The following AGBL4 variants were observed in gnomAD, a reference collection of about 807,000 sequenced individuals.
AGBL4 encodes the protein AGBL carboxypeptidase 4, also known as cytosolic carboxypeptidase 6.
Under a neutral mutation model 66.4 loss-of-function variants are expected in AGBL4, and 58 were observed. That is an observed-to-expected ratio of 0.87 (90% CI 0.71 to 1.09). AGBL4 has a LOEUF of 1.09. Ranked by LOEUF, AGBL4 falls within the 50% of genes least tolerant of loss-of-function variation. The probability of loss-of-function intolerance (pLI) is 0.00; values close to 1 mark genes in which losing one functional copy is unlikely to be tolerated. For missense variants in AGBL4, 579 were observed against 631.0 expected, an observed-to-expected ratio of 0.92 and a Z score of 0.88; for synonymous variants, 234 against 222.9, an observed-to-expected ratio of 1.05 and a Z score of -0.44.
At chr1:48,543,150 G>A (rs1251176280) in intron 11 of AGBL4, among the ~76,000 whole-genome samples, 3 of 152,022 alleles carry the variant, frequency 2.0e-5, no homozygotes, top group Admixed American at 6.6e-5. Context: ...TGTCTCTCTT[G>A]CCTAATAAGT....
intron 3 of AGBL4, among the ~76,000 whole-genome samples, chr1:49,507,893 G>A (rs1306984541): frequency 6.6e-6 from 1 of 151,730 alleles, no homozygotes; most frequent in African/African-American, 2.4e-5. Context: ...TGCTTAAGTT[G>A]CTCTTAAGGA....
At chr1:49,477,087 C>T (rs990919267) in intron 3 of AGBL4, among the ~76,000 whole-genome samples, 1 of 152,120 alleles carries the variant, frequency 6.6e-6, no homozygotes, top group African/African-American at 2.4e-5. Context: ...AAGTTTTCGA[C>T]TCTAGTCCCT....
chr1:49,870,034 A>G (rs1347876914), intron 1 of AGBL4, among the ~76,000 whole-genome samples: 2 of 152,214 alleles, frequency 1.3e-5, no homozygotes, highest in Non-Finnish European at 2.9e-5. Context: ...CGATTTGATC[A>G]TTGTATATTG....
At chr1:49,686,764 G>A (rs1293508673) in intron 3 of AGBL4, among the ~76,000 whole-genome samples, 1 of 152,124 alleles carries the variant, frequency 6.6e-6, no homozygotes, top group East Asian at 1.9e-4. Context: ...CTTTCTACAT[G>A]TTAGGCAAAA....
chr1:49,339,565 G>A (rs1413258121), intron 3 of AGBL4, among the ~76,000 whole-genome samples: 9 of 152,154 alleles, frequency 5.9e-5, no homozygotes, highest in Admixed American at 1.3e-4. Context: ...AAGAATACAA[G>A]GATATCAAGA....
chr1:48,651,529 C>T (rs923321189), intron 8 of AGBL4, among the ~76,000 whole-genome samples: 2 of 152,184 alleles, frequency 1.3e-5, no homozygotes, highest in African/African-American at 4.8e-5. Flanking sequence ...CCACTATTAT[C>T]GCTAACAGTA....
chr1:49,523,390 C>T (rs1275659952), intron 3 of AGBL4, among the ~76,000 whole-genome samples: 1 of 152,036 alleles, frequency 6.6e-6, no homozygotes, highest in East Asian at 1.9e-4. Context: ...TCAATTTCCC[C>T]ATTACACAGC....
chr1:49,508,290 T>C (rs958771806), intron 3 of AGBL4, among the ~76,000 whole-genome samples: 1 of 151,760 alleles, frequency 6.6e-6, no homozygotes, highest in Admixed American at 6.6e-5. Context: ...TTTTGAAAAG[T>C]TAAAAGTTCC....
At chr1:49,930,669 T>C (rs564431217) in intron 1 of AGBL4, among the ~76,000 whole-genome samples, 1 of 152,132 alleles carries the variant, frequency 6.6e-6, no homozygotes, top group East Asian at 1.9e-4. Context: ...ACCAAAAACA[T>C]GTAACGATCT....
At chr1:49,368,586 G>A (rs945783332) in intron 3 of AGBL4, among the ~76,000 whole-genome samples, 4 of 151,994 alleles carry the variant, frequency 2.6e-5, no homozygotes, top group African/African-American at 9.7e-5. Flanking sequence ...ACAAACCTAA[G>A]CCTCCTTTCA....
chr1:49,602,821 C>CAATAAATAAATA (rs146769913), intron 3 of AGBL4, among the ~76,000 whole-genome samples: 6 of 144,056 alleles, frequency 4.2e-5, no homozygotes, highest in African/African-American at 7.7e-5. Flanking sequence ...ACTTAAAGTA[C>CAATAAATAAATA]AATAAATAAA....
chr1:49,013,978 C>T (rs898318741), intron 5 of AGBL4, among the ~76,000 whole-genome samples: 2 of 151,982 alleles, frequency 1.3e-5, no homozygotes, highest in Admixed American at 1.3e-4. Context: ...TATTGATGGA[C>T]CCACACATTT....
intron 1 of AGBL4, among the ~76,000 whole-genome samples, chr1:49,935,724 CAG>C (rs938686618): frequency 7.2e-5 from 11 of 152,294 alleles, no homozygotes; most frequent in African/African-American, 2.6e-4. Flanking sequence ...CCCAGGCAAA[CAG>C]GGTCTGGAGT....
intron 2 of AGBL4, among the ~76,000 whole-genome samples, chr1:49,780,704 A>G (rs773049540): frequency 3.9e-5 from 6 of 152,282 alleles, no homozygotes; most frequent in African/African-American, 9.6e-5. Flanking sequence ...TTGTAAGTGT[A>G]AGAGCAACCA....
chr1:49,216,128 T>G lies in AGBL4; in HGVS notation c.377+29642A>C, dbSNP rs926892632. 7.2e-5 allele frequency among the ~76,000 whole-genome samples: 11 copies of G among 152,134 alleles called. No individual in the cohort carries two copies. The South Asian group carries it at 2.1e-3, about 29-fold the overall frequency. ...ATGGAGGAGACACTCATACTAACAG[T>G]AAATTACAGTACAATCTGGAAAGTG... is the stretch of plus-strand genomic sequence containing the variant. On this transcript the variant is annotated intron_variant, in intron 4 of 13. Coordinates refer to ENST00000371839, the MANE Select transcript of AGBL4 (RefSeq NM_032785.4).
chr1:49,452,460 C>T (rs1272513904), intron 3 of AGBL4, among the ~76,000 whole-genome samples: 1 of 151,860 alleles, frequency 6.6e-6, no homozygotes, highest in African/African-American at 2.4e-5. Flanking sequence ...TGGATATTTT[C>T]TGTTATTTTC....
In AGBL4 at chr1:49,161,501, C is replaced by A. The variant is rs181659825; in HGVS notation, c.377+84269G>T. 1.1e-3 allele frequency among the ~76,000 whole-genome samples: 170 copies of A among 152,346 alleles called. 1 individual carries two copies. The highest frequency in any genetic ancestry group is 4.0e-3 in the African/African-American group (167 of 41,580). On this transcript the variant is annotated intron_variant, in intron 4 of 13. Coordinates refer to ENST00000371839, the MANE Select transcript of AGBL4 (RefSeq NM_032785.4). Reference sequence around the variant, plus strand: ...ACCAGAGCTCTTCCTATTCAGCCATCTTGCCAGCAATCTCCCAATGGCTAT... The same window carrying A: ...ACCAGAGCTCTTCCTATTCAGCCATATTGCCAGCAATCTCCCAATGGCTAT...
intron 6 of AGBL4, among the ~76,000 whole-genome samples, chr1:48,849,833 T>C (rs1353052231): frequency 2.6e-5 from 4 of 151,744 alleles, no homozygotes; most frequent in Non-Finnish European, 5.9e-5. Context: ...ATTAGCTGGG[T>C]GTGGTGGCAT....
In AGBL4 at chr1:49,059,492, G is replaced by A. The variant is rs1269746787; in HGVS notation, c.378-13692C>T. The stretch of plus-strand genomic sequence containing the variant: ...CGGAGAAACTCTGCTAGGGCAGTGT[G>A]AAAGGGAAATGTGGGGTTGGAGCCC... On this transcript the variant is annotated intron_variant, in intron 4 of 13. Transcript: ENST00000371839. Among the ~76,000 whole-genome samples the A allele has an allele frequency of 2.6e-5, 4 of 152,370 alleles. No homozygotes were observed. In the South Asian group the frequency reaches 6.2e-4, roughly 24 times the overall value.
Sources: gnomAD v4.1 joint callset for allele counts (sites outside exome capture counted in the v4.1 genomes callset) on GRCh38, gnomAD v4.1.1 for gene constraint, MANE v1.5 for transcripts, NCBI Gene and HGNC (gene_info 2026-07-23, HGNC 2026-07-21) for gene names.